The following NLRP14 variants were observed in gnomAD, a reference collection of about 807,000 sequenced individuals.
NLRP14 encodes NLR family pyrin domain containing 14.
A neutral mutation model predicts 94.7 loss-of-function variants in NLRP14; 105 were observed. That is an observed-to-expected ratio of 1.11 (90% CI 0.95 to 1.30). The LOEUF is 1.30. NLRP14 is among the 50% of genes most tolerant of loss of function. The pLI, the probability that NLRP14 is intolerant of heterozygous loss-of-function variation, is 0.00. For missense variants in NLRP14, 1,362 were observed against 1,254.1 expected (o/e 1.09, Z -1.30); for synonymous variants, 508 against 459.9 (o/e 1.10, Z -1.34).
In NLRP14 at chr11:7,043,904, G is replaced by A; in HGVS notation, c.1878G>A (p.Arg626=). 1 of 1,614,096 alleles carries A rather than the reference G, an allele frequency of 6.2e-7. No individual in the cohort carries two copies. The highest frequency in any genetic ancestry group is 8.5e-7 in the Non-Finnish European group (1 of 1,179,966). The change falls in exon 4 of 12, where the codon CGG becomes CGA. Residue 626 remains arginine, a synonymous_variant. Transcript: ENST00000299481. ...CTTCTTTCTGCCTTAAGCACTGCCGGTGTTTGCGGACCATCAGGCTGTCTG... is the reference window on the plus strand; with the variant it reads ...CTTCTTTCTGCCTTAAGCACTGCCGATGTTTGCGGACCATCAGGCTGTCTG... ...LVSSFCLKHC[R]CLRTIRLSVT...
intron 3 of NLRP14, among the ~76,000 whole-genome samples, chr11:7,040,030 C>G (rs1353769621): frequency 6.6e-6 from 1 of 152,144 alleles, no homozygotes; most frequent in African/African-American, 2.4e-5. Flanking sequence ...AGGGCTGACG[C>G]ACAAAGGTAT....
chr11:7,025,689 G>A (rs2119548179), intron 1 of NLRP14, among the ~76,000 whole-genome samples: 1 of 152,134 alleles, frequency 6.6e-6, no homozygotes, highest in Middle Eastern at 3.4e-3. Context: ...AGGCAAATGA[G>A]CAAAAATGTC....
downstream of NLRP14, among the ~76,000 whole-genome samples, chr11:7,076,153 C>T (rs1258888384): frequency 2.0e-5 from 3 of 152,124 alleles, no homozygotes; most frequent in Non-Finnish European, 4.4e-5. Flanking sequence ...TTTGCACTAA[C>T]TTTTGTCTCT....
the NLRP14 span, among the ~76,000 whole-genome samples, chr11:7,082,789 C>T: frequency 2.0e-5 from 3 of 152,180 alleles, no homozygotes; most frequent in Admixed American, 1.3e-4. Flanking sequence ...TCTCCATCAG[C>T]CCACTACCAT....
chr11:7,057,970 A>G (rs1054013535), intron 7 of NLRP14, 123 bp downstream of exon 7: 1 of 813,284 alleles, frequency 1.2e-6, no homozygotes, highest in Admixed American at 1.8e-5. Flanking sequence ...AATTCTGAAT[A>G]AGCTCTACAT....
rs148895666 is a variant in NLRP14, at chr11:7,057,720, T to C, written c.2335T>C (p.Ser779Pro). ...AACTGTATTTTGTTGTCTAAATATA[T>C]CTAATGCTCTCATCAGAAGCCAGAG... ...NLTVFCCLNISNALIRSQSLI... is the reference protein window; with the variant it reads ...NLTVFCCLNIPNALIRSQSLI... Residue 779 changes from serine (S) to proline (P), a missense_variant, in exon 7 of 12, where the codon TCT (serine) becomes CCT (proline). Physicochemically the swap from Ser to Pro is moderately conservative, Grantham distance 74 (BLOSUM62 -1). Transcript: ENST00000299481. 8 of 1,612,690 alleles carry C rather than the reference T, an allele frequency of 5.0e-6. No homozygotes were observed. Among genetic ancestry groups the C allele is most frequent in the Middle Eastern group, 1.7e-4 (1 of 6,050 alleles).
chr11:7,089,866 G>A, the NLRP14 span: 5 of 1,612,624 alleles, frequency 3.1e-6, no homozygotes, highest in Non-Finnish European at 4.2e-6. Flanking sequence ...TCCAGTGTCC[G>A]GGACGACTGT....
At position 7,043,204 on chromosome 11, in the gene NLRP14, G is replaced by T; in HGVS notation, c.1178G>T (p.Cys393Phe). The T allele has an allele frequency of 6.2e-7, 1 of 1,614,116 alleles. No homozygotes were observed. Among genetic ancestry groups the T allele is most frequent in the Non-Finnish European group, 8.5e-7 (1 of 1,180,026 alleles). ...MEKGGDVTLT[C>F]QTTTALFTCY... ...AAGGGTGGTGATGTCACATTGACCT[G>T]CCAAACAACCACAGCTCTGTTTACC... The change falls in exon 4 of 12, where the codon TGC becomes TTC. Residue 393 changes from cysteine to phenylalanine, a missense_variant. Cys to Phe is a radical substitution (Grantham distance 205). Transcript: ENST00000299481.
At chr11:7,083,339 C>A in the NLRP14 span, among the ~76,000 whole-genome samples, 6 of 152,362 alleles carry the variant, frequency 3.9e-5, no homozygotes, top group African/African-American at 1.2e-4. Context: ...AGGAAAATAT[C>A]TCTCTGCCAA....
intron 10 of NLRP14, among the ~76,000 whole-genome samples, chr11:7,065,539 A>AT (rs1340344864): frequency 2.0e-5 from 3 of 151,324 alleles, no homozygotes; most frequent in Non-Finnish European, 4.4e-5. Flanking sequence ...TTCTTTTTTC[A>AT]TTTTTTATAT....
intron 5 of NLRP14, among the ~76,000 whole-genome samples, chr11:7,047,848 C>T (rs1852382294): frequency 6.6e-6 from 1 of 150,882 alleles, no homozygotes; most frequent in Non-Finnish European, 1.5e-5. Context: ...CAACCTCCGC[C>T]TCCCAGGTTC....
intron 1 of NLRP14, among the ~76,000 whole-genome samples, chr11:7,031,658 G>C (rs943608631): frequency 1.3e-5 from 2 of 152,118 alleles, no homozygotes; most frequent in Non-Finnish European, 2.9e-5. Flanking sequence ...CAAGCCCCTC[G>C]CCTCTCTAAC....
At chr11:7,021,366 C>T (rs1851931846) in intron 1 of NLRP14, among the ~76,000 whole-genome samples, 1 of 152,132 alleles carries the variant, frequency 6.6e-6, no homozygotes, top group Non-Finnish European at 1.5e-5. Context: ...GTGGGTGGCC[C>T]AGCGCCTATC....
chr11:7,039,857 C>T (rs147192914), intron 3 of NLRP14, 72 bp downstream of exon 3: 41 of 1,175,604 alleles, frequency 3.5e-5, no homozygotes, highest in Admixed American at 1.3e-4. Context: ...ATTTATCTCC[C>T]GAGGACTTTT....
At chr11:7,089,612 C>G in the NLRP14 span, 4 of 1,202,658 alleles carry the variant, frequency 3.3e-6, no homozygotes, top group Non-Finnish European at 4.1e-6. Context: ...CCAAGAGGGC[C>G]GCGCCGTCGG....
At chr11:7,084,615 C>T in the NLRP14 span, among the ~76,000 whole-genome samples, 1 of 152,204 alleles carries the variant, frequency 6.6e-6, no homozygotes, top group Non-Finnish European at 1.5e-5. Context: ...GGGTGGCTCA[C>T]TCCAGCTTCA....
At chr11:7,064,567 G>C (rs1852676817) in intron 10 of NLRP14, among the ~76,000 whole-genome samples, 3 of 152,102 alleles carry the variant, frequency 2.0e-5, no homozygotes. Flanking sequence ...TGCCATCCCA[G>C]TGGCTAGAAC....
chr11:7,044,926 C>T (rs1029016676), intron 4 of NLRP14, among the ~76,000 whole-genome samples: 30 of 152,180 alleles, frequency 2.0e-4, no homozygotes, highest in Admixed American at 6.5e-5. Flanking sequence ...TGACAGTCTT[C>T]TAAGTCCTTG....
At chr11:7,084,290 T>C in the NLRP14 span, among the ~76,000 whole-genome samples, 5 of 152,210 alleles carry the variant, frequency 3.3e-5, no homozygotes, top group Non-Finnish European at 7.3e-5. Context: ...GAAATATGTT[T>C]TGTTTCTGCT....
Sources: allele counts gnomAD v4.1 joint callset (sites outside exome capture counted in the v4.1 genomes callset), GRCh38; gene constraint gnomAD v4.1.1; transcripts MANE v1.5; gene names NCBI Gene and HGNC (gene_info 2026-07-23, HGNC 2026-07-21).